NUP155: variants seen among roughly 807,000 people sequenced by gnomAD.
NUP155 encodes nuclear pore complex protein Nup155.
In NUP155, 71 loss-of-function variants were observed where a neutral mutation model predicts 180.4. The ratio of observed to expected loss-of-function variants is 0.39; its 90% CI spans 0.33 to 0.48. The LOEUF is 0.48. Ranked by LOEUF, NUP155 falls within the 20% of genes least tolerant of loss-of-function variation. The probability of loss-of-function intolerance (pLI) is 0.91; values close to 1 mark genes in which losing one functional copy is unlikely to be tolerated. For missense variants in NUP155, 1,553 were observed against 1,648.9 expected (o/e 0.94, Z 1.01); for synonymous variants, 582 against 559.5 (o/e 1.04, Z -0.57).
chr5:37,294,310 T>A lies in NUP155; in HGVS notation c.3930+19A>T, dbSNP rs1742400444. 15 of 1,459,218 alleles carry A rather than the reference T, an allele frequency of 1.0e-5. No individual in the cohort carries two copies. The highest frequency in any genetic ancestry group is 1.4e-5 in the Non-Finnish European group (15 of 1,062,566). 90.4% of individuals were successfully genotyped at this position (1,459,218 alleles called of 1,614,324 possible). A position where few individuals can be genotyped will look rare whatever the true frequency, so the allele number is the denominator to read the frequency against. On this transcript the variant is annotated intron_variant, in intron 33 of 34. Transcript: ENST00000231498. The stretch of plus-strand genomic sequence containing the variant: ...TTAATTAAAGAAAATAATTTTATGT[T>A]ATTTAATATTTTCCTTACCCGTGAT...
intron 10 of NUP155, 154 bp downstream of exon 10, chr5:37,342,395 C>T: frequency 1.7e-6 from 1 of 592,342 alleles, no homozygotes; most frequent in Non-Finnish European, 3.0e-6. Context: ...TTAGAAAAAT[C>T]TCCCAGTTTT....
chr5:37,342,504 A>C (rs901886758), intron 10 of NUP155, 45 bp downstream of exon 10: 2 of 1,188,286 alleles, frequency 1.7e-6, no homozygotes, highest in Non-Finnish European at 2.5e-6. Flanking sequence ...AAGAATTTTC[A>C]GAAGTTGTAA....
At chr5:37,351,539 C>T (rs967797726) in intron 5 of NUP155, among the ~76,000 whole-genome samples, 183 bp from the exon 6 acceptor site, 25 of 151,994 alleles carry the variant, frequency 1.6e-4, no homozygotes, top group Middle Eastern at 3.4e-3. Flanking sequence ...CTCTACCTCC[C>T]GGGTTCATGC....
chr5:37,364,520 A>C, intron 1 of NUP155, 136 bp from the exon 2 acceptor site: 1 of 753,894 alleles, frequency 1.3e-6, no homozygotes. Context: ...TTGACCCAAC[A>C]CAAAGTAGTC....
intron 19 of NUP155, among the ~76,000 whole-genome samples, chr5:37,325,020 G>A (rs566263269): frequency 7.2e-5 from 11 of 152,220 alleles, no homozygotes; most frequent in East Asian, 3.9e-4. Context: ...GCATGGTGGC[G>A]CGCACCTGTA....
At chr5:37,313,504 T>TGTGA (rs530096354) in intron 22 of NUP155, among the ~76,000 whole-genome samples, 4,936 of 129,084 alleles carry the variant, frequency 0.038, 277 homozygotes, top group African/African-American at 0.14. Context: ...TGTGTGTGTG[T>TGTGA]GAGAGAGACA....
chr5:37,333,111 T>C (rs1011958638), intron 13 of NUP155, among the ~76,000 whole-genome samples: 3 of 151,966 alleles, frequency 2.0e-5, no homozygotes, highest in Admixed American at 6.6e-5. Context: ...TCCCAGAACT[T>C]TGGGAGGCCG....
chr5:37,315,921 C>T (rs1414049834), intron 21 of NUP155, among the ~76,000 whole-genome samples: 1 of 152,098 alleles, frequency 6.6e-6, no homozygotes, highest in Admixed American at 6.5e-5. Flanking sequence ...GCCTGGGAGA[C>T]AAGAGTGAAA....
At chr5:37,347,394 A>G (rs1173944777) in intron 9 of NUP155, among the ~76,000 whole-genome samples, 2 of 152,232 alleles carry the variant, frequency 1.3e-5, no homozygotes, top group East Asian at 1.9e-4. Context: ...ACTATCAAAC[A>G]TAAGAATAAA....
chr5:37,349,953 T>C (rs559027747), intron 7 of NUP155, among the ~76,000 whole-genome samples: 2 of 152,336 alleles, frequency 1.3e-5, no homozygotes, highest in East Asian at 3.9e-4. Flanking sequence ...GCTACATTTA[T>C]AGGAAATAAG....
rs572858909 is a variant in NUP155 at position 37,307,183 on chromosome 5, G to C, written c.2903+114C>G. 55 of 1,032,020 alleles carry C rather than the reference G, an allele frequency of 5.3e-5. No individual in the cohort carries two copies. The East Asian group carries it at 1.3e-3, about 25-fold the overall frequency. The allele number at this position is 1,032,020 out of a possible 1,614,324, so 63.9% of individuals were successfully genotyped here. On this transcript the variant is annotated intron_variant, in intron 25 of 34. Coordinates refer to ENST00000231498, the MANE Select transcript of NUP155 (RefSeq NM_153485.3). ...ACTGCACTCCAGCCCAGGTGACAGA[G>C]CAAGACTCTGTCTCAAAAAAAAAAA...
chr5:37,320,082 G>A (rs1221691202), intron 20 of NUP155, among the ~76,000 whole-genome samples: 2 of 152,100 alleles, frequency 1.3e-5, no homozygotes, highest in Admixed American at 6.6e-5. Flanking sequence ...CTACTCAGGC[G>A]GCTGAGTCTG....
chr5:37,289,263 A>C lies in NUP155; in HGVS notation c.*2637T>G. 6.6e-6 allele frequency: 1 copy of C among 152,522 alleles called. No homozygotes were observed. Among genetic ancestry groups the C allele is most frequent in the East Asian group, 1.9e-4 (1 of 5,206 alleles). The allele number at this position is 152,522 out of a possible 1,614,324, so 9.4% of individuals were successfully genotyped here. Reference sequence around the variant, plus strand: ...AGGAGCTCGAGGCTGCAGTGAGCCAAGATCATGCCACTGCACTCCAGGGCA... The same window carrying C: ...AGGAGCTCGAGGCTGCAGTGAGCCACGATCATGCCACTGCACTCCAGGGCA... On this transcript the variant is annotated 3_prime_UTR_variant, in exon 35 of 35. Transcript: ENST00000231498.
intron 1 of NUP155, among the ~76,000 whole-genome samples, chr5:37,368,487 C>T: frequency 6.6e-6 from 1 of 152,034 alleles, no homozygotes; most frequent in East Asian, 1.9e-4. Context: ...CCCACTTTGG[C>T]CTCCCAAAGT....
At position 37,364,395 on chromosome 5, in the gene NUP155, A is replaced by G; in HGVS notation, c.158-11T>C. ...AAACGGTGGGATTATCTACAAAAAG[A>G]AAATGAAGTATTTATAATAATGTAC... On this transcript the variant is annotated splice_polypyrimidine_tract_variant and intron_variant, in intron 1 of 34. Transcript: ENST00000231498. 1 of 1,610,194 alleles carries G rather than the reference A, an allele frequency of 6.2e-7. No individual in the cohort carries two copies. The highest frequency in any genetic ancestry group is 1.3e-5 in the African/African-American group (1 of 74,970).
intron 17 of NUP155, 128 bp from the exon 18 acceptor site, chr5:37,327,904 C>G: frequency 2.0e-6 from 2 of 1,022,778 alleles, no homozygotes; most frequent in Non-Finnish European, 2.9e-6. Context: ...TTCTCATAAC[C>G]CAAGTTTGTG....
Position 37,360,297 on chromosome 5 carries a change from C to T in NUP155, c.393-2146G>A, listed in dbSNP as rs186159526. 7.1e-4 allele frequency among the ~76,000 whole-genome samples: 107 copies of T among 151,752 alleles called. 3 individuals carry two copies. The South Asian group carries it at 0.01, about 15-fold the overall frequency. On this transcript the variant is annotated intron_variant, in intron 3 of 34. Coordinates refer to ENST00000231498, the MANE Select transcript of NUP155 (RefSeq NM_153485.3). ...AGGAGATCGAGACCGTCCTGGCCAA[C>T]ATGGTGAAACCCCGTCTCTACTAAA... is the stretch of plus-strand genomic sequence containing the variant.
intron 10 of NUP155, among the ~76,000 whole-genome samples, chr5:37,342,164 AAGC>A (rs971037084): frequency 1.3e-5 from 2 of 152,120 alleles, no homozygotes; most frequent in African/African-American, 4.8e-5. Flanking sequence ...ACAGCCTCCC[AAGC>A]AGCTGGTACT....
At position 37,363,916 on chromosome 5, in the gene NUP155, C is replaced by T. The variant is rs2111719120; in HGVS notation, c.364G>A (p.Asp122Asn). The change falls in exon 3 of 35, where the codon GAT (aspartate) becomes AAT (asparagine). Residue 122 changes from aspartate to asparagine, a missense_variant. Physicochemically the swap from Asp to Asn is conservative, Grantham distance 23. Coordinates refer to ENST00000231498, the MANE Select transcript of NUP155 (RefSeq NM_153485.3). ...TCCTCATAGTTCCACATGAATATAT[C>T]ACTGTCAATTGTGAGCCAAGCTCTG... ...ISRAWLTIDS[D>N]IFMWNYEDGG... 1.2e-6 allele frequency: 2 copies of T among 1,613,446 alleles called. No homozygotes were observed. The highest frequency in any genetic ancestry group is 1.3e-5 in the African/African-American group (1 of 75,052).
Sources: allele counts gnomAD v4.1 joint callset (sites outside exome capture counted in the v4.1 genomes callset), GRCh38; gene constraint gnomAD v4.1.1; transcripts MANE v1.5; gene names NCBI Gene and HGNC (gene_info 2026-07-23, HGNC 2026-07-21).